ULK4: variants seen among roughly 807,000 people sequenced by gnomAD.
The protein encoded by ULK4 is unc-51 like kinase 4, also known as inactive serine/threonine-protein kinase ULK4.
A neutral mutation model predicts 160.6 loss-of-function variants in ULK4; 133 were observed. The observed-to-expected ratio is 0.83, with a 90% CI of 0.72 to 0.96. ULK4 has a LOEUF of 0.96. ULK4 is among the 40% of genes least tolerant of loss of function. The pLI, the probability that ULK4 is intolerant of heterozygous loss-of-function variation, is 0.00. For synonymous variants in ULK4, 534 were observed against 539.8 expected (o/e 0.99, Z 0.15); for missense variants, 1,580 against 1,499.5 (o/e 1.05, Z -0.89).
chr3:41,283,965 A>AAAATAAAT (rs58834032), intron 35 of ULK4, among the ~76,000 whole-genome samples: 1,705 of 150,428 alleles, frequency 0.011, 34 homozygotes, highest in African/African-American at 0.038. Flanking sequence ...ATAGCTGCCA[A>AAAATAAAT]AAATAAATAA....
At chr3:41,896,386 C>G (rs1351178487) in intron 15 of ULK4, among the ~76,000 whole-genome samples, 1 of 152,112 alleles carries the variant, frequency 6.6e-6, no homozygotes, top group Non-Finnish European at 1.5e-5. Context: ...TCCCAAGTAG[C>G]TGGGATTACA....
At chr3:41,454,852 C>G (rs1423961407) in intron 34 of ULK4, among the ~76,000 whole-genome samples, 2 of 151,564 alleles carry the variant, frequency 1.3e-5, no homozygotes, top group Non-Finnish European at 2.9e-5. Flanking sequence ...ACCACCACGC[C>G]TGGCTAATTT....
chr3:41,721,651 C>G (rs746584419), intron 22 of ULK4, among the ~76,000 whole-genome samples: 1 of 151,880 alleles, frequency 6.6e-6, no homozygotes, highest in Non-Finnish European at 1.5e-5. Context: ...CAGGCGTGAG[C>G]CACCATGCCT....
intron 32 of ULK4, among the ~76,000 whole-genome samples, chr3:41,478,715 G>A (rs1432701390): frequency 6.6e-6 from 1 of 152,182 alleles, no homozygotes; most frequent in African/African-American, 2.4e-5. Flanking sequence ...CTGCACTGAA[G>A]ATACACTCAT....
intron 30 of ULK4, among the ~76,000 whole-genome samples, chr3:41,623,012 G>A (rs1034866770): frequency 1.3e-5 from 2 of 152,098 alleles, no homozygotes; most frequent in Non-Finnish European, 2.9e-5. Flanking sequence ...GCCATGTTTA[G>A]GGGAAAGCTA....
intron 35 of ULK4, among the ~76,000 whole-genome samples, chr3:41,364,755 A>G (rs896874681): frequency 1.3e-5 from 2 of 152,218 alleles, no homozygotes; most frequent in African/African-American, 2.4e-5. Context: ...CTTTCCAGCA[A>G]ACATAACTGA....
At chr3:41,328,583 A>C (rs2080381238) in intron 35 of ULK4, among the ~76,000 whole-genome samples, 1 of 152,178 alleles carries the variant, frequency 6.6e-6, no homozygotes, top group Non-Finnish European at 1.5e-5. Flanking sequence ...ATTAGATTCC[A>C]CTGGTAGAAG....
At chr3:41,949,420 A>C (rs1180943332) in intron 2 of ULK4, among the ~76,000 whole-genome samples, 1 of 138,026 alleles carries the variant, frequency 7.2e-6, no homozygotes, top group Non-Finnish European at 1.6e-5. Context: ...CCAACACTTA[A>C]AGATTAGCGG....
chr3:41,890,669 ACT>A (rs1334073635), intron 16 of ULK4, among the ~76,000 whole-genome samples: 1 of 140,446 alleles, frequency 7.1e-6, no homozygotes, highest in Non-Finnish European at 1.5e-5. Flanking sequence ...ACAGAGCAAG[ACT>A]CTGTCTCAAA....
intron 2 of ULK4, among the ~76,000 whole-genome samples, chr3:41,948,933 G>T (rs1700195476): frequency 6.7e-6 from 1 of 149,870 alleles, no homozygotes; most frequent in African/African-American, 2.5e-5. Flanking sequence ...AATTACACAA[G>T]AAAAAAAAAG....
chr3:41,489,846 C>T (rs2084684149), intron 32 of ULK4, among the ~76,000 whole-genome samples: 1 of 152,148 alleles, frequency 6.6e-6, no homozygotes, highest in South Asian at 2.1e-4. Context: ...AAGCCTAAAA[C>T]ATTAATATTA....
chr3:41,909,215 C>A (rs145325369), intron 11 of ULK4, among the ~76,000 whole-genome samples: 1 of 151,866 alleles, frequency 6.6e-6, no homozygotes, highest in East Asian at 1.9e-4. Context: ...GAGCAAAGAC[C>A]GCACCACTGC....
chr3:41,807,089 C>A (rs1172634126), intron 19 of ULK4, among the ~76,000 whole-genome samples: 1 of 151,692 alleles, frequency 6.6e-6, no homozygotes, highest in African/African-American at 2.4e-5. Flanking sequence ...GATTGTGCCA[C>A]TACACTCCAG....
chr3:41,586,726 C>A (rs1054380623), intron 31 of ULK4, among the ~76,000 whole-genome samples: 2 of 151,774 alleles, frequency 1.3e-5, no homozygotes, highest in African/African-American at 4.8e-5. Context: ...AGAATGTAGT[C>A]TGTGGGAAGA....
chr3:41,456,090 A>C (rs982318307), intron 33 of ULK4, among the ~76,000 whole-genome samples: 1 of 152,130 alleles, frequency 6.6e-6, no homozygotes, highest in Non-Finnish European at 1.5e-5. Flanking sequence ...TTGTATTTTT[A>C]GTAGAGACGG....
chr3:41,257,471 C>T (rs970938304), intron 35 of ULK4, among the ~76,000 whole-genome samples: 6 of 151,938 alleles, frequency 3.9e-5, no homozygotes, highest in East Asian at 1.9e-4. Context: ...ATCTCTGCAA[C>T]GAAATAAATA....
intron 31 of ULK4, among the ~76,000 whole-genome samples, chr3:41,595,771 T>C (rs2031648936): frequency 6.6e-6 from 1 of 152,148 alleles, no homozygotes; most frequent in South Asian, 2.1e-4. Flanking sequence ...TAGTCATTGG[T>C]GACATTAAAA....
At chr3:41,264,374 C>A (rs2078994226) in intron 35 of ULK4, among the ~76,000 whole-genome samples, 1 of 152,246 alleles carries the variant, frequency 6.6e-6, no homozygotes, top group Non-Finnish European at 1.5e-5. Flanking sequence ...TCCAATGACC[C>A]TTCAATTGAG....
chr3:41,388,817 C>T (rs557240167), intron 35 of ULK4, among the ~76,000 whole-genome samples: 1 of 152,252 alleles, frequency 6.6e-6, no homozygotes, highest in East Asian at 1.9e-4. Flanking sequence ...ATGATCCCTC[C>T]AGCTTTGTTC....
Sources: gnomAD v4.1 joint callset for allele counts (sites outside exome capture counted in the v4.1 genomes callset) on GRCh38, gnomAD v4.1.1 for gene constraint, MANE v1.5 for transcripts, NCBI Gene and HGNC (gene_info 2026-07-23, HGNC 2026-07-21) for gene names.